The following DIAPH3 variants were observed in gnomAD, a reference collection of about 807,000 sequenced individuals.
The protein encoded by DIAPH3 is diaphanous related formin 3, also known as protein diaphanous homolog 3.
Under a neutral mutation model 144.3 loss-of-function variants are expected in DIAPH3, and 117 were observed. The observed-to-expected ratio is 0.81, with a 90% CI of 0.70 to 0.95. The LOEUF is 0.95. Ranked by LOEUF, DIAPH3 falls within the 40% of genes least tolerant of loss-of-function variation. The pLI is 0.00. For synonymous variants in DIAPH3, 519 were observed against 488.9 expected (o/e 1.06, Z -0.81); for missense variants, 1,421 against 1,412.7 (o/e 1.01, Z -0.09).
At chr13:59,801,464 A>C (rs1035863335) in intron 25 of DIAPH3, among the ~76,000 whole-genome samples, 1 of 152,230 alleles carries the variant, frequency 6.6e-6, no homozygotes, top group African/African-American at 2.4e-5. Flanking sequence ...TTCCTGCCTG[A>C]ATAGCACTAA....
intron 21 of DIAPH3, among the ~76,000 whole-genome samples, chr13:59,872,510 C>A (rs1834029498): frequency 6.6e-6 from 1 of 152,112 alleles, no homozygotes; most frequent in African/African-American, 2.4e-5. Context: ...CATCCTCTCC[C>A]CTGTCCCCCA....
chr13:59,773,977 C>A, intron 27 of DIAPH3: 6 of 515,076 alleles, frequency 1.2e-5, no homozygotes, highest in South Asian at 9.7e-5. Flanking sequence ...CACTAGAGAC[C>A]TGATAGAAGA....
chr13:59,759,231 G>A (rs1345894249), intron 27 of DIAPH3, among the ~76,000 whole-genome samples: 1 of 152,172 alleles, frequency 6.6e-6, no homozygotes. Context: ...CTGTTTAGAA[G>A]AGCATGTGAT....
At chr13:59,943,528 G>A (rs560437835) in intron 17 of DIAPH3, among the ~76,000 whole-genome samples, 5 of 151,992 alleles carry the variant, frequency 3.3e-5, no homozygotes, top group East Asian at 1.9e-4. Flanking sequence ...AATCTATTTC[G>A]TTCATTCATT....
chr13:59,794,339 T>C (rs867048763), intron 25 of DIAPH3, among the ~76,000 whole-genome samples: 1 of 152,190 alleles, frequency 6.6e-6, no homozygotes, highest in South Asian at 2.1e-4. Context: ...TCTCAGTGAA[T>C]GGCACCACCT....
chr13:59,995,812 T>G (rs780054875), intron 9 of DIAPH3, among the ~76,000 whole-genome samples: 10 of 151,836 alleles, frequency 6.6e-5, no homozygotes, highest in African/African-American at 9.7e-5. Flanking sequence ...GATAGAAGAC[T>G]CCAGTTCAAA....
rs61956736 is a variant in DIAPH3, at chr13:59,861,392, T to C, written c.2737+15A>G. The C allele has an allele frequency of 0.028, 45,947 of 1,613,622 alleles. 774 individuals are homozygous for C. The highest frequency in any genetic ancestry group is 0.051 in the Middle Eastern group (306 of 6,052). ...AAGATCAGAGCCATGAAATGTTTCTTAAAAAGGCACAAACCTTTACTAGCT... is the reference window on the plus strand; with the variant it reads ...AAGATCAGAGCCATGAAATGTTTCTCAAAAAGGCACAAACCTTTACTAGCT... On this transcript the variant is annotated intron_variant, in intron 22 of 27. Transcript: ENST00000400324.
intron 22 of DIAPH3, among the ~76,000 whole-genome samples, chr13:59,852,231 A>C (rs2043017569): frequency 6.6e-6 from 1 of 152,138 alleles, no homozygotes; most frequent in Non-Finnish European, 1.5e-5. Flanking sequence ...ATCTCTTCTG[A>C]GGGGAGAAAG....
chr13:59,821,608 A>C (rs1010319782), intron 24 of DIAPH3, among the ~76,000 whole-genome samples: 1 of 152,124 alleles, frequency 6.6e-6, no homozygotes, highest in African/African-American at 2.4e-5. Context: ...AAATGTAAAA[A>C]TTTTCCCCAA....
At chr13:59,780,444 G>GT in intron 25 of DIAPH3, among the ~76,000 whole-genome samples, 1 of 152,100 alleles carries the variant, frequency 6.6e-6, no homozygotes, top group East Asian at 1.9e-4. Context: ...AAATTAGTCA[G>GT]TTTTTCTTAG....
At chr13:59,840,062 G>T (rs2042254336) in intron 22 of DIAPH3, among the ~76,000 whole-genome samples, 1 of 152,036 alleles carries the variant, frequency 6.6e-6, no homozygotes, top group Non-Finnish European at 1.5e-5. Flanking sequence ...GTAAACCAGG[G>T]CACTGTGTCA....
intron 2 of DIAPH3, among the ~76,000 whole-genome samples, chr13:60,118,844 C>T (rs1051012858): frequency 1.3e-5 from 2 of 152,208 alleles, no homozygotes; most frequent in African/African-American, 4.8e-5. Flanking sequence ...ATTTAAAAGG[C>T]TGAAATGCCT....
chr13:60,136,211 A>G (rs549535046), intron 1 of DIAPH3, among the ~76,000 whole-genome samples: 93 of 152,330 alleles, frequency 6.1e-4, no homozygotes, highest in Admixed American at 5.9e-4. Context: ...TTTGTAACAC[A>G]AAAATATTGA....
chr13:59,799,607 C>T (rs911939878), intron 25 of DIAPH3, among the ~76,000 whole-genome samples: 11 of 152,154 alleles, frequency 7.2e-5, no homozygotes, highest in African/African-American at 2.4e-4. Context: ...CATATCTTGT[C>T]CTAGGATTGT....
intron 24 of DIAPH3, chr13:59,832,835 T>C (rs2041846971): frequency 5.3e-6 from 2 of 376,482 alleles, no homozygotes; most frequent in Admixed American, 7.3e-5. Context: ...ACAGAAGTGC[T>C]CTGTAATTAG....
chr13:60,031,179 G>A (rs76088575), intron 5 of DIAPH3, among the ~76,000 whole-genome samples: 6,138 of 152,232 alleles, frequency 0.04, 145 homozygotes, highest in East Asian at 0.074. Context: ...AGGTGAAGGG[G>A]TAGCAGGCAT....
At chr13:59,832,143 C>T (rs1454579435) in intron 24 of DIAPH3, among the ~76,000 whole-genome samples, 5 of 151,672 alleles carry the variant, frequency 3.3e-5, no homozygotes, top group Admixed American at 3.3e-4. Context: ...TATTTATTAA[C>T]CAAATTCATT....
At chr13:60,162,855 T>C (rs1952367463) in intron 1 of DIAPH3, among the ~76,000 whole-genome samples, 1 of 150,556 alleles carries the variant, frequency 6.6e-6, no homozygotes, top group Non-Finnish European at 1.5e-5. Flanking sequence ...AGTTTTTCCA[T>C]ATTCCTAAGG....
intron 17 of DIAPH3, among the ~76,000 whole-genome samples, chr13:59,932,458 C>A (rs189677582): frequency 6.6e-6 from 1 of 152,086 alleles, no homozygotes; most frequent in Admixed American, 6.6e-5. Context: ...AGCAATAAAT[C>A]TGATAAAAGA....
Sources: gnomAD v4.1 joint callset for allele counts (sites outside exome capture counted in the v4.1 genomes callset) on GRCh38, gnomAD v4.1.1 for gene constraint, MANE v1.5 for transcripts, NCBI Gene and HGNC (gene_info 2026-07-23, HGNC 2026-07-21) for gene names.